Variants in KIAA0825 observed in about 807,000 individuals in gnomAD.
The protein encoded by KIAA0825 is KIAA0825.
A neutral mutation model predicts 147.6 loss-of-function variants in KIAA0825; 119 were observed. That is an observed-to-expected ratio of 0.81 (90% confidence interval 0.69 to 0.94). The LOEUF (loss-of-function observed/expected upper bound fraction) is 0.94, where lower values mean the gene tolerates loss of function less well. KIAA0825 is among the 40% of genes least tolerant of loss of function. The pLI, the probability that KIAA0825 is intolerant of heterozygous loss-of-function variation, is 0.00. For missense variants in KIAA0825, 1,381 were observed against 1,472.7 expected (o/e 0.94, Z 1.02); for synonymous variants, 470 against 518.1 (o/e 0.91, Z 1.26).
At chr5:94,175,180 T>G (rs1338605654) in intron 20 of KIAA0825, among the ~76,000 whole-genome samples, 1 of 152,160 alleles carries the variant, frequency 6.6e-6, no homozygotes, top group Non-Finnish European at 1.5e-5. Flanking sequence ...GCCTGCTGTT[T>G]TGTCTTCCCA....
chr5:94,524,959 G>C (rs1157033451), intron 3 of KIAA0825, among the ~76,000 whole-genome samples: 1 of 151,700 alleles, frequency 6.6e-6, no homozygotes, highest in Admixed American at 6.6e-5. Context: ...TATGTGCATT[G>C]ATGATTATAA....
At chr5:94,530,834 G>A (rs1294665914) in intron 3 of KIAA0825, among the ~76,000 whole-genome samples, 3 of 152,110 alleles carry the variant, frequency 2.0e-5, no homozygotes, top group African/African-American at 4.8e-5. Flanking sequence ...ATCAAGGGTC[G>A]GGGCTTACTT....
chr5:94,472,676 G>C (rs1428408830), intron 8 of KIAA0825, among the ~76,000 whole-genome samples: 2 of 152,074 alleles, frequency 1.3e-5, no homozygotes, highest in Admixed American at 1.3e-4. Context: ...CCCAGGAGGC[G>C]GAGCTTGCAG....
At chr5:94,571,684 TG>T (rs1406563408) in intron 2 of KIAA0825, among the ~76,000 whole-genome samples, 1 of 152,230 alleles carries the variant, frequency 6.6e-6, no homozygotes, top group Non-Finnish European at 1.5e-5. Context: ...TGTTTTCATG[TG>T]GTCAGTTATA....
chr5:94,351,453 T>G (rs1335110309), intron 20 of KIAA0825, among the ~76,000 whole-genome samples: 1 of 152,076 alleles, frequency 6.6e-6, no homozygotes, highest in Non-Finnish European at 1.5e-5. Flanking sequence ...CATGAACAAA[T>G]GGAAACACAT....
At chr5:94,395,400 T>C (rs778131975) in intron 17 of KIAA0825, among the ~76,000 whole-genome samples, 4 of 152,196 alleles carry the variant, frequency 2.6e-5, no homozygotes, top group Admixed American at 6.5e-5. Context: ...CTGTAGACCA[T>C]GTGAGCTGGA....
intron 2 of KIAA0825, among the ~76,000 whole-genome samples, chr5:94,539,356 T>G (rs1382129714): frequency 6.6e-6 from 1 of 152,166 alleles, no homozygotes; most frequent in East Asian, 1.9e-4. Context: ...TAAACTTGCT[T>G]TCACTTTACT....
At position 94,477,181 on chromosome 5, in the gene KIAA0825, T is replaced by G. The variant is rs1761988314; in HGVS notation, c.1157A>C (p.Glu386Ala). 2.7e-5 allele frequency: 42 copies of G among 1,549,582 alleles called. No individual in the cohort carries two copies. Among genetic ancestry groups the G allele is most frequent in the Non-Finnish European group, 3.6e-5 (41 of 1,146,262 alleles). The change falls in exon 7 of 21, where the codon GAG (glutamate) becomes GCG (alanine). Residue 386 changes from glutamate to alanine, a missense_variant. Coordinates refer to ENST00000682413, the MANE Select transcript of KIAA0825 (RefSeq NM_001145678.3). Reference sequence around the variant, plus strand: ...TGCTCTAGGTTTTTCCATTACAACCTCTCTATCGGATTTCTCCAAAATTCC... The same window carrying G: ...TGCTCTAGGTTTTTCCATTACAACCGCTCTATCGGATTTCTCCAAAATTCC... ...TSGILEKSDREVVMEKPRANE... is the reference protein window; with the variant it reads ...TSGILEKSDRAVVMEKPRANE...
chr5:94,562,419 A>G (rs1261778727), intron 2 of KIAA0825, among the ~76,000 whole-genome samples: 2 of 152,222 alleles, frequency 1.3e-5, no homozygotes, highest in Non-Finnish European at 2.9e-5. Context: ...TCATATCAAC[A>G]TAGTCATCAT....
intron 2 of KIAA0825, among the ~76,000 whole-genome samples, chr5:94,581,187 C>T (rs1782103003): frequency 6.6e-6 from 1 of 152,026 alleles, no homozygotes; most frequent in South Asian, 2.1e-4. Flanking sequence ...CCAACAAGAT[C>T]AAATCATTAG....
At chr5:94,293,118 C>G (rs550296687) in intron 20 of KIAA0825, among the ~76,000 whole-genome samples, 8 of 151,172 alleles carry the variant, frequency 5.3e-5, no homozygotes, top group Admixed American at 5.3e-4. Flanking sequence ...TCCTTCAGTT[C>G]TGCTCTGATC....
At chr5:94,604,537 C>A (rs572450756) in intron 1 of KIAA0825, among the ~76,000 whole-genome samples, 2 of 151,926 alleles carry the variant, frequency 1.3e-5, no homozygotes, top group South Asian at 4.2e-4. Context: ...CCAGCCTGGG[C>A]GACAGAATGA....
intron 20 of KIAA0825, among the ~76,000 whole-genome samples, chr5:94,285,862 G>T (rs1017960686): frequency 6.6e-6 from 1 of 152,018 alleles, no homozygotes; most frequent in African/African-American, 2.4e-5. Flanking sequence ...ATACAGCCAC[G>T]GCCAGGAAAA....
chr5:94,373,994 A>G (rs1002608621), intron 20 of KIAA0825, among the ~76,000 whole-genome samples: 15 of 152,206 alleles, frequency 9.9e-5, no homozygotes, highest in Admixed American at 6.5e-4. Context: ...GGCCTATGAC[A>G]GCTACTCCTG....
chr5:94,351,233 A>G, intron 20 of KIAA0825, among the ~76,000 whole-genome samples: 1 of 152,178 alleles, frequency 6.6e-6, no homozygotes, highest in East Asian at 1.9e-4. Flanking sequence ...GTTTCTGGAT[A>G]CAAGATTAAT....
chr5:94,533,136 G>T (rs576872626), intron 3 of KIAA0825, among the ~76,000 whole-genome samples: 156 of 149,748 alleles, frequency 1.0e-3, no homozygotes, highest in African/African-American at 3.7e-3. Context: ...CCGCCACCAC[G>T]CCCGGCTAAT....
chr5:94,543,675 T>A (rs1369715199), intron 2 of KIAA0825, among the ~76,000 whole-genome samples: 1 of 152,134 alleles, frequency 6.6e-6, no homozygotes, highest in African/African-American at 2.4e-5. Context: ...TTCCTCCCTC[T>A]GCAACACTTA....
At chr5:94,365,124 C>G (rs186066845) in intron 20 of KIAA0825, among the ~76,000 whole-genome samples, 163 of 152,260 alleles carry the variant, frequency 1.1e-3, no homozygotes, top group Middle Eastern at 0.01. Context: ...AAATCGGGCC[C>G]TCAAGCCTGT....
At chr5:94,437,895 A>C (rs773082339) in intron 14 of KIAA0825, among the ~76,000 whole-genome samples, 16 of 152,176 alleles carry the variant, frequency 1.1e-4, no homozygotes, top group Non-Finnish European at 7.3e-5. Context: ...ACCATGTTTT[A>C]TATTCTAATT....
Sources: allele counts gnomAD v4.1 joint callset (sites outside exome capture counted in the v4.1 genomes callset), GRCh38; gene constraint gnomAD v4.1.1; transcripts MANE v1.5; gene names NCBI Gene and HGNC (gene_info 2026-07-23, HGNC 2026-07-21).